The following ZNF66 variants were observed in gnomAD, a reference collection of about 807,000 sequenced individuals.
The protein encoded by ZNF66 is zinc finger protein 66, also known as putative zinc finger protein 66.
ZNF66 carries 32 observed loss-of-function variants against 35.2 expected under a neutral mutation model. The observed-to-expected ratio is 0.91, with a 90% confidence interval of 0.69 to 1.22. The LOEUF (loss-of-function observed/expected upper bound fraction) is 1.22, where lower values mean the gene tolerates loss of function less well. Among genes scored for constraint, ZNF66 ranks in the 50% most tolerant of loss-of-function variants. ZNF66 has a pLI of 0.00. For synonymous variants in ZNF66, 231 were observed against 181.3 expected (o/e 1.27, Z -2.20); for missense variants, 666 against 543.1 (o/e 1.23, Z -2.25).
rs1187511514 is a variant in ZNF66 at position 20,809,455 on chromosome 19, A to C, written c.*2133A>C. Among the ~76,000 whole-genome samples, 2 of 152,226 alleles carry C rather than the reference A, an allele frequency of 1.3e-5. No homozygotes were observed. The highest frequency in any genetic ancestry group is 6.5e-5 in the Admixed American group (1 of 15,278). On this transcript the variant is annotated 3_prime_UTR_variant, in exon 4 of 4. Coordinates refer to ENST00000344519, the MANE Select transcript of ZNF66 (RefSeq NM_001355197.2). ...GAAAGGTCGGGTTACCCACAAAGGG[A>C]AGCCCATCAGACTCACAGCTGACCT...
Position 20,806,553 on chromosome 19 carries a change from G to A in ZNF66, c.953G>A (p.Cys318Tyr). ...GAGAAACCCTACAAATGTGAAGAAT[G>A]TGGTAAAGCCTTCAACTGGTCCTCA... ...TGEKPYKCEE[C>Y]GKAFNWSSHL... Residue 318 changes from cysteine (C) to tyrosine (Y), a missense_variant, in exon 4 of 4, where the codon TGT becomes TAT. By Grantham distance (194) the Cys-to-Tyr change is radical (BLOSUM62 -2). Coordinates refer to ENST00000344519, the MANE Select transcript of ZNF66 (RefSeq NM_001355197.2). 2 of 1,555,148 alleles carry A rather than the reference G, an allele frequency of 1.3e-6. No homozygotes were observed. Among genetic ancestry groups the A allele is most frequent in the Non-Finnish European group, 1.8e-6 (2 of 1,127,628 alleles).
At chr19:20,788,670 T>C (rs1971309124) in intron 1 of ZNF66, among the ~76,000 whole-genome samples, 1 of 152,106 alleles carries the variant, frequency 6.6e-6, no homozygotes, top group Non-Finnish European at 1.5e-5. Context: ...CCTGAAGCGC[T>C]GGGATTACAG....
chr19:20,781,186 T>C (rs1331444956), intron 1 of ZNF66, among the ~76,000 whole-genome samples: 3 of 152,176 alleles, frequency 2.0e-5, no homozygotes. Context: ...CAAAAATCAG[T>C]CCTCTCACCT....
rs962111329 is a variant in ZNF66, at chr19:20,808,440, G to A, written c.*1118G>A. Among the ~76,000 whole-genome samples the A allele has an allele frequency of 6.6e-6, 1 of 152,200 alleles. No homozygotes were observed. Among genetic ancestry groups the A allele is most frequent in the Non-Finnish European group, 1.5e-5 (1 of 68,038 alleles). On this transcript the variant is annotated 3_prime_UTR_variant, in exon 4 of 4. Coordinates refer to ENST00000344519, the MANE Select transcript of ZNF66 (RefSeq NM_001355197.2). ...GACCCCCGAGCAGCCTAACTGGGAG[G>A]CACACCCCAGTAGGGGCAGACTGAC...
chr19:20,798,339 C>T (rs1014269136), intron 3 of ZNF66, among the ~76,000 whole-genome samples: 1 of 151,722 alleles, frequency 6.6e-6, no homozygotes, highest in African/African-American at 2.4e-5. Context: ...TGGCTCTGAT[C>T]TGTAATCCCA....
At chr19:20,797,941 C>G (rs1971410908) in intron 3 of ZNF66, among the ~76,000 whole-genome samples, 1 of 152,102 alleles carries the variant, frequency 6.6e-6, no homozygotes, top group Non-Finnish European at 1.5e-5. Flanking sequence ...ATTTGCAATT[C>G]TGCTTGTATA....
chr19:20,801,349 ATTTTATTTTT>A (rs946709521), intron 3 of ZNF66, among the ~76,000 whole-genome samples: 18 of 151,242 alleles, frequency 1.2e-4, no homozygotes, highest in Non-Finnish European at 2.5e-4. Context: ...ATTTTATTTT[ATTTTATTTTT>A]TGAGATGGAG....
At chr19:20,792,490 T>C (rs1568496455) in intron 1 of ZNF66, 22 bp from the exon 2 acceptor site, 1 of 1,472,548 alleles carries the variant, frequency 6.8e-7, no homozygotes, top group Admixed American at 2.0e-5. Flanking sequence ...TTGGTGAAAA[T>C]GTGTGTGTGT....
intron 3 of ZNF66, among the ~76,000 whole-genome samples, 187 bp from the exon 4 acceptor site, chr19:20,805,640 T>G (rs1013439924): frequency 6.6e-6 from 1 of 152,176 alleles, no homozygotes; most frequent in Non-Finnish European, 1.5e-5. Context: ...ATTTATAAAT[T>G]TTTTACAAAT....
At position 20,806,427 on chromosome 19, in the gene ZNF66, A is replaced by T. The variant is rs1971510537; in HGVS notation, c.827A>T (p.Lys276Met). 6.4e-7 allele frequency: 1 copy of T among 1,557,132 alleles called. No individual in the cohort carries two copies. The highest frequency in any genetic ancestry group is 1.7e-5 in the Admixed American group (1 of 59,674). ...CGCTCCTCTATCCTTACTACACATAAGAGAATTCATACTGGAGAGAAACCC... is the reference window on the plus strand; with the variant it reads ...CGCTCCTCTATCCTTACTACACATATGAGAATTCATACTGGAGAGAAACCC... ...FKRSSILTTH[K>M]RIHTGEKPYK... Residue 276 changes from lysine (K) to methionine (M), a missense_variant, in exon 4 of 4, where the codon AAG (lysine) becomes ATG (methionine). By Grantham distance (95) the Lys-to-Met change is moderately conservative (BLOSUM62 -1). Coordinates refer to ENST00000344519, the MANE Select transcript of ZNF66 (RefSeq NM_001355197.2).
rs534389135 is a variant in ZNF66, at chr19:20,786,188, AACTTAT to A, written c.4-6319_4-6314del. 2.0e-3 allele frequency among the ~76,000 whole-genome samples: 302 copies of A among 152,334 alleles called. 7 individuals are homozygous for A. The highest frequency in any genetic ancestry group is 0.016 in the Admixed American group (252 of 15,290). ...GACTTTCCCTCTCAGGCTTCCAGTC[AACTTAT>A]ACTTGTGCAGCAAAGTGCACGCTGT... On this transcript the variant is annotated intron_variant, in intron 1 of 3. Coordinates refer to ENST00000344519, the MANE Select transcript of ZNF66 (RefSeq NM_001355197.2).
chr19:20,808,768 A>G lies in ZNF66; in HGVS notation c.*1446A>G, dbSNP rs954598876. On this transcript the variant is annotated 3_prime_UTR_variant, in exon 4 of 4. Coordinates refer to ENST00000344519, the MANE Select transcript of ZNF66 (RefSeq NM_001355197.2). ...GGAAAAAACAGAGCAGAAAAACTGG[A>G]AAGTCTAAAAAGCAGAGCACCTCTC... Among the ~76,000 whole-genome samples, 2 of 151,326 alleles carry G rather than the reference A, an allele frequency of 1.3e-5. No individual in the cohort carries two copies. Among genetic ancestry groups the G allele is most frequent in the Admixed American group, 1.3e-4 (2 of 15,198 alleles).
chr19:20,807,737 G>A lies in ZNF66; in HGVS notation c.*415G>A, dbSNP rs1207193059. Reference sequence around the variant, plus strand: ...ATGAGATTATGGGGGGTGGAGCCAAGATGGCTGAATAGGTACAGCTCCTGT... The same window carrying A: ...ATGAGATTATGGGGGGTGGAGCCAAAATGGCTGAATAGGTACAGCTCCTGT... On this transcript the variant is annotated 3_prime_UTR_variant, in exon 4 of 4. Coordinates refer to ENST00000344519, the MANE Select transcript of ZNF66 (RefSeq NM_001355197.2). Among the ~76,000 whole-genome samples, 1 of 152,090 alleles carries A rather than the reference G, an allele frequency of 6.6e-6. No homozygotes were observed. Among genetic ancestry groups the A allele is most frequent in the Non-Finnish European group, 1.5e-5 (1 of 68,018 alleles).
intron 1 of ZNF66, among the ~76,000 whole-genome samples, chr19:20,792,249 G>A (rs1443912272): frequency 1.3e-5 from 2 of 152,250 alleles, no homozygotes. Context: ...AAATGTACAT[G>A]TTTGTGTTCA....
At chr19:20,804,903 AGT>A (rs1971484915) in intron 3 of ZNF66, among the ~76,000 whole-genome samples, 1 of 152,178 alleles carries the variant, frequency 6.6e-6, no homozygotes, top group Non-Finnish European at 1.5e-5. Flanking sequence ...GGGGTAGGGC[AGT>A]ATCTCTGCTT....
At chr19:20,776,626 C>G in intron 1 of ZNF66, 176 bp downstream of exon 1, 1 of 958,306 alleles carries the variant, frequency 1.0e-6, no homozygotes, top group African/African-American at 1.6e-5. Flanking sequence ...GGCGTCCTGT[C>G]GCTTCCCCGC....
chr19:20,808,997 A>G lies in ZNF66; in HGVS notation c.*1675A>G, dbSNP rs1971558376. ...TGCAGAGAAATGCTTAAAGGAGCTG[A>G]TGGAGCTGAAAGCCAAGGATCAAGA... On this transcript the variant is annotated 3_prime_UTR_variant, in exon 4 of 4. Coordinates refer to ENST00000344519, the MANE Select transcript of ZNF66 (RefSeq NM_001355197.2). 6.6e-6 allele frequency among the ~76,000 whole-genome samples: 1 copy of G among 152,228 alleles called. No individual in the cohort carries two copies. The highest frequency in any genetic ancestry group is 6.5e-5 in the Admixed American group (1 of 15,278).
At chr19:20,776,864 C>T (rs1971200041) in intron 1 of ZNF66, among the ~76,000 whole-genome samples, 1 of 152,120 alleles carries the variant, frequency 6.6e-6, no homozygotes, top group South Asian at 2.1e-4. Context: ...CCTGTAATCC[C>T]CGCACGTTGG....
Position 20,776,356 on chromosome 19 carries a change from C to T in ZNF66, c.-92C>T. On this transcript the variant is annotated 5_prime_UTR_variant, in exon 1 of 4. Coordinates refer to ENST00000344519, the MANE Select transcript of ZNF66 (RefSeq NM_001355197.2). ...TCGTCTGTTCACTGCTCTCTGTCTT[C>T]TTCTCCTAGAGGCCCAGCCTCTGTG... 6.7e-7 allele frequency: 1 copy of T among 1,497,420 alleles called. No homozygotes were observed. The highest frequency in any genetic ancestry group is 9.3e-7 in the Non-Finnish European group (1 of 1,076,490). The allele number at this position is 1,497,420 out of a possible 1,614,324, so 92.8% of individuals were successfully genotyped here. A position where few individuals can be genotyped will look rare whatever the true frequency, so the allele number is the denominator to read the frequency against.
Sources: gnomAD v4.1 joint callset for allele counts (sites outside exome capture counted in the v4.1 genomes callset) on GRCh38, gnomAD v4.1.1 for gene constraint, MANE v1.5 for transcripts, NCBI Gene and HGNC (gene_info 2026-07-23, HGNC 2026-07-21) for gene names.